Variants in NAPG observed in about 807,000 individuals in gnomAD.
NAPG encodes the protein gamma-soluble NSF attachment protein.
A neutral mutation model predicts 48.4 loss-of-function variants in NAPG; 25 were observed. That is an observed-to-expected ratio of 0.52 (90% CI 0.38 to 0.72). The LOEUF (loss-of-function observed/expected upper bound fraction) is 0.72. Among genes scored for constraint, NAPG ranks in the 30% least tolerant of loss-of-function variants. The probability of loss-of-function intolerance (pLI) is 0.00; values close to 1 mark genes in which losing one functional copy is unlikely to be tolerated. For synonymous variants in NAPG, 139 were observed against 127.2 expected, an observed-to-expected ratio of 1.09 and a Z score of -0.62; for missense variants, 359 against 372.5, an observed-to-expected ratio of 0.96 and a Z score of 0.30.
At chr18:10,526,236 G>T in intron 1 of NAPG, 78 bp downstream of exon 1, 4 of 877,886 alleles carry the variant, frequency 4.6e-6, no homozygotes, top group East Asian at 6.4e-5. Flanking sequence ...CACCCGGGGG[G>T]GGCGGGAGGG....
chr18:10,540,595 A>T, intron 8 of NAPG, 196 bp downstream of exon 8: 1 of 457,598 alleles, frequency 2.2e-6, no homozygotes, highest in Non-Finnish European at 3.8e-6. Context: ...TGTTTTTTGA[A>T]AGTGTAATGC....
At chr18:10,536,265 A>G (rs180891611) in intron 5 of NAPG, among the ~76,000 whole-genome samples, 1 of 152,226 alleles carries the variant, frequency 6.6e-6, no homozygotes, top group Non-Finnish European at 1.5e-5. Flanking sequence ...GCATTGTCTT[A>G]TATTTAAATT....
chr18:10,540,227 C>A, intron 7 of NAPG, 102 bp from the exon 8 acceptor site: 3 of 1,120,972 alleles, frequency 2.7e-6, no homozygotes, highest in Non-Finnish European at 3.9e-6. Context: ...TCGTGTTCCC[C>A]CCTTGATCCA....
intron 1 of NAPG, chr18:10,526,585 G>A (rs1426207806): frequency 5.5e-6 from 1 of 181,524 alleles, no homozygotes; most frequent in Non-Finnish European, 1.2e-5. Flanking sequence ...ATGTCATCTG[G>A]GGAACAACAT....
intron 2 of NAPG, among the ~76,000 whole-genome samples, chr18:10,531,933 G>A (rs1352749285): frequency 6.6e-6 from 1 of 152,112 alleles, no homozygotes; most frequent in Non-Finnish European, 1.5e-5. Flanking sequence ...AGCAACATAT[G>A]GAAAAGCAGG....
chr18:10,530,627 T>C, intron 1 of NAPG, 143 bp from the exon 2 acceptor site: 1 of 475,760 alleles, frequency 2.1e-6, no homozygotes, highest in East Asian at 3.5e-5. Flanking sequence ...TAAGTTTGGA[T>C]GGAGGCGGGT....
In NAPG at chr18:10,543,805, A is replaced by G. The variant is rs1190619046; in HGVS notation, c.507-2521A>G. ...GAAAAGTTGAAAGCATCTGTGTTTC[A>G]TTATAATAAGTAACTAATACTTTTC... On this transcript the variant is annotated intron_variant, in intron 8 of 11. Transcript: ENST00000322897. This position sits in a 1 kb window ranked among gnomAD's most constrained non-coding sequence, Gnocchi z 4.4. Among the ~76,000 whole-genome samples, 2 of 152,212 alleles carry G rather than the reference A, an allele frequency of 1.3e-5. No individual in the cohort carries two copies. Among genetic ancestry groups the G allele is most frequent in the East Asian group, 3.8e-4 (2 of 5,202 alleles).
At position 10,548,503 on chromosome 18, in the gene NAPG, T is replaced by C; in HGVS notation, c.665+125T>C. On this transcript the variant is annotated intron_variant, in intron 10 of 11. Transcript: ENST00000322897. This position sits in a 1 kb window ranked among gnomAD's most constrained non-coding sequence, Gnocchi z 4.4. ...CATTTCTAAATCTTAGGAGTGCTCA[T>C]CTACCATTTCATCTTTTACAGTGGG... The C allele has an allele frequency of 1.4e-6, 1 of 721,414 alleles. No individual in the cohort carries two copies. Among genetic ancestry groups the C allele is most frequent in the Middle Eastern group, 3.0e-4 (1 of 3,368 alleles). The allele number at this position is 721,414 out of a possible 1,614,324, so 44.7% of individuals were successfully genotyped here.
intron 1 of NAPG, 88 bp downstream of exon 1, chr18:10,526,246 G>GGGCTTCCCCCCGGGGGGGGGGGGGGGGGC: frequency 2.0e-6 from 1 of 490,186 alleles, no homozygotes; most frequent in African/African-American, 2.0e-5. Flanking sequence ...GGGCGGGAGG[G>GGGCTTCCCCCCGGGGGGGGGGGGGGGGGC]AGGGCTCAGG....
At position 10,543,218 on chromosome 18, in the gene NAPG, A is replaced by G. The variant is rs1019187309; in HGVS notation, c.506+2819A>G. 2.6e-5 allele frequency among the ~76,000 whole-genome samples: 4 copies of G among 152,074 alleles called. No individual in the cohort carries two copies. Among genetic ancestry groups the G allele is most frequent in the African/African-American group, 4.8e-5 (2 of 41,402 alleles). The stretch of plus-strand genomic sequence containing the variant: ...ACCTTGTGCCTCTGAGAGAAGGTCT[A>G]TGCCTCTGAGACAAGGTGTGTGGTC... On this transcript the variant is annotated intron_variant, in intron 8 of 11. Coordinates refer to ENST00000322897, the MANE Select transcript of NAPG (RefSeq NM_003826.3). This position sits in a 1 kb window ranked among gnomAD's most constrained non-coding sequence, Gnocchi z 4.4.
At position 10,542,636 on chromosome 18, in the gene NAPG, T is replaced by G. The variant is rs2032179476; in HGVS notation, c.506+2237T>G. Among the ~76,000 whole-genome samples the G allele has an allele frequency of 6.6e-6, 1 of 152,232 alleles. No homozygotes were observed. Among genetic ancestry groups the G allele is most frequent in the South Asian group, 2.1e-4 (1 of 4,836 alleles). ...ACAAGCAACATCTACTAATAGACTG[T>G]GTGGCATGGAGTCTAAAGTTTTATG... On this transcript the variant is annotated intron_variant, in intron 8 of 11. Transcript: ENST00000322897. This position sits in a 1 kb window ranked among gnomAD's most constrained non-coding sequence, Gnocchi z 4.5.
chr18:10,543,891 A>G lies in NAPG; in HGVS notation c.507-2435A>G, dbSNP rs1263034810. On this transcript the variant is annotated intron_variant, in intron 8 of 11. Coordinates refer to ENST00000322897, the MANE Select transcript of NAPG (RefSeq NM_003826.3). This position sits in a 1 kb window ranked among gnomAD's most constrained non-coding sequence, Gnocchi z 4.4. Reference sequence around the variant, plus strand: ...ATTTCATGGCCTTTTAGCAAAGTCGATCAACTTTTTCGACTACAAACTCAT... The same window carrying G: ...ATTTCATGGCCTTTTAGCAAAGTCGGTCAACTTTTTCGACTACAAACTCAT... 6.6e-6 allele frequency among the ~76,000 whole-genome samples: 1 copy of G among 152,218 alleles called. No individual in the cohort carries two copies. The highest frequency in any genetic ancestry group is 1.5e-5 in the Non-Finnish European group (1 of 68,040).
Position 10,546,865 on chromosome 18 carries a change from C to A in NAPG, c.585+461C>A, listed in dbSNP as rs1480806782. Reference sequence around the variant, plus strand: ...GAAGAGGTCCCATTGTTTTCCTCTCCTTTGGCTTTGCTCCAAGCTTGTCCC... The same window carrying A: ...GAAGAGGTCCCATTGTTTTCCTCTCATTTGGCTTTGCTCCAAGCTTGTCCC... On this transcript the variant is annotated intron_variant, in intron 9 of 11. Transcript: ENST00000322897. The surrounding 1 kb of genome is among the most constrained non-coding windows in gnomAD (Gnocchi z 4.0). Among the ~76,000 whole-genome samples the A allele has an allele frequency of 6.6e-6, 1 of 152,184 alleles. No homozygotes were observed. The highest frequency in any genetic ancestry group is 1.5e-5 in the Non-Finnish European group (1 of 68,036).
Position 10,530,767 on chromosome 18 carries a change from T to C in NAPG, c.57-3T>C, listed in dbSNP as rs1391691016. 1 of 1,559,598 alleles carries C rather than the reference T, an allele frequency of 6.4e-7. No individual in the cohort carries two copies. Among genetic ancestry groups the C allele is most frequent in the South Asian group, 1.2e-5 (1 of 81,970 alleles). ...CCTGTTAACTGTGTTTTTTTCATTC[T>C]AGCCTGAAAACTGGTTTTTTAAAAT... On this transcript the variant is annotated splice_polypyrimidine_tract_variant and splice_region_variant and intron_variant, in intron 1 of 11. Transcript: ENST00000322897.
At position 10,530,848 on chromosome 18, in the gene NAPG, C is replaced by A; in HGVS notation, c.124+11C>A. 6.4e-7 allele frequency: 1 copy of A among 1,558,124 alleles called. No individual in the cohort carries two copies. The highest frequency in any genetic ancestry group is 2.0e-5 in the Admixed American group (1 of 50,778). ...AATATGGAAAAGCAGGTATTTTTGA[C>A]TATAGTCCAGTTGCTCCAGTATGTA... On this transcript the variant is annotated intron_variant, in intron 2 of 11. Coordinates refer to ENST00000322897, the MANE Select transcript of NAPG (RefSeq NM_003826.3).
rs1377535773 is a variant in NAPG, at chr18:10,543,161, G to GAA, written c.506+2768_506+2769dup. 7.3e-5 allele frequency among the ~76,000 whole-genome samples: 11 copies of GAA among 150,254 alleles called. No individual in the cohort carries two copies. The highest frequency in any genetic ancestry group is 2.4e-4 in the African/African-American group (10 of 41,068). On this transcript the variant is annotated intron_variant, in intron 8 of 11. Coordinates refer to ENST00000322897, the MANE Select transcript of NAPG (RefSeq NM_003826.3). The surrounding 1 kb of genome is among the most constrained non-coding windows in gnomAD (Gnocchi z 4.4). ...AAAAAAAAAAAAAAAGAAAAGAAAA[G>GAA]AAAAAAAGACCTTTCCAGCAAGTTG... is the stretch of plus-strand genomic sequence containing the variant.
At position 10,543,239 on chromosome 18, in the gene NAPG, T is replaced by C; in HGVS notation, c.506+2840T>C. ...GTCTATGCCTCTGAGACAAGGTGTG[T>C]GGTCTCAGTGAACCCAAATCCCTCC... On this transcript the variant is annotated intron_variant, in intron 8 of 11. Coordinates refer to ENST00000322897, the MANE Select transcript of NAPG (RefSeq NM_003826.3). The surrounding 1 kb of genome is among the most constrained non-coding windows in gnomAD (Gnocchi z 4.4). Among the ~76,000 whole-genome samples, 1 of 151,964 alleles carries C rather than the reference T, an allele frequency of 6.6e-6. No homozygotes were observed. Among genetic ancestry groups the C allele is most frequent in the East Asian group, 1.9e-4 (1 of 5,190 alleles).
intron 11 of NAPG, 57 bp from the exon 12 acceptor site, chr18:10,550,020 A>G: frequency 6.8e-7 from 1 of 1,472,292 alleles, no homozygotes; most frequent in Non-Finnish European, 9.0e-7. Flanking sequence ...AGAGCTGAGT[A>G]AAACATGTTA....
chr18:10,535,240 GT>G (rs2032007786), intron 5 of NAPG, among the ~76,000 whole-genome samples: 1 of 152,076 alleles, frequency 6.6e-6, no homozygotes, highest in South Asian at 2.1e-4. Context: ...CTTTTATAAT[GT>G]GAACTTACTC....
Sources: gnomAD v4.1 joint callset for allele counts (sites outside exome capture counted in the v4.1 genomes callset) on GRCh38, gnomAD v4.1.1 for gene constraint, Gnocchi (gnomAD v3.1) non-coding constraint, MANE v1.5 for transcripts, NCBI Gene and HGNC (gene_info 2026-07-23, HGNC 2026-07-21) for gene names.